SLC11A2: variants seen among roughly 807,000 people sequenced by gnomAD.
SLC11A2 encodes solute carrier family 11 member 2.
In SLC11A2, 38 loss-of-function variants were observed where a neutral mutation model predicts 68.0. The observed-to-expected ratio is 0.56, with a 90% CI of 0.43 to 0.73. The LOEUF is 0.73. SLC11A2 is among the 30% of genes least tolerant of loss of function. SLC11A2 has a pLI of 0.00. For synonymous variants in SLC11A2, 242 were observed against 250.6 expected (o/e 0.97, Z 0.32); for missense variants, 517 against 690.5 (o/e 0.75, Z 2.82).
At chr12:50,977,112 C>T (rs966213881), downstream of SLC11A2, among the ~76,000 whole-genome samples, 3 of 152,122 alleles carry the variant, frequency 2.0e-5, no homozygotes, top group Admixed American at 1.3e-4. Context: ...ATCAAGCTAC[C>T]AATGACTTTC....
At chr12:50,984,783 T>C (rs1382226662), downstream of SLC11A2, among the ~76,000 whole-genome samples, 1 of 152,188 alleles carries the variant, frequency 6.6e-6, no homozygotes, top group Non-Finnish European at 1.5e-5. Flanking sequence ...ATCTACCAGT[T>C]GGCAACTTCT....
chr12:50,955,443 C>A, the SLC11A2 span, among the ~76,000 whole-genome samples: 2 of 152,188 alleles, frequency 1.3e-5, no homozygotes, highest in Non-Finnish European at 2.9e-5. Flanking sequence ...CTTTCTCTTT[C>A]TTCTCCATGG....
chr12:51,006,721 T>C (rs982799483), intron 3 of SLC11A2, among the ~76,000 whole-genome samples: 1 of 152,174 alleles, frequency 6.6e-6, no homozygotes, highest in African/African-American at 2.4e-5. Flanking sequence ...CCCCTCATTT[T>C]AGACCAGGTC....
chr12:50,986,415 TGGAA>T lies in SLC11A2; in HGVS notation c.*1906_*1909del. On this transcript the variant is annotated 3_prime_UTR_variant, in exon 16 of 16. Coordinates refer to ENST00000262052, the MANE Select transcript of SLC11A2 (RefSeq NM_000617.3). ...ATAATATTATAAAATGCCATTTAATTGGAAGGAGTTTTCTATCATTGCAAGTCAT... is the reference window on the plus strand; with the variant it reads ...ATAATATTATAAAATGCCATTTAATTGGAGTTTTCTATCATTGCAAGTCAT... The T allele has an allele frequency of 7.8e-7, 1 of 1,282,600 alleles. No individual in the cohort carries two copies. The highest frequency in any genetic ancestry group is 1.0e-6 in the Non-Finnish European group (1 of 984,812). 79.5% of individuals were successfully genotyped at this position (1,282,600 alleles called of 1,614,324 possible). A position where few individuals can be genotyped will look rare whatever the true frequency, so the allele number is the denominator to read the frequency against.
At chr12:51,009,076 G>C in intron 2 of SLC11A2, 1 of 1,154,294 alleles carries the variant, frequency 8.7e-7, no homozygotes, top group Non-Finnish European at 1.3e-6. Flanking sequence ...GGCCTGTCTA[G>C]CGAAATGTCC....
intron 1 of SLC11A2, 154 bp downstream of exon 1, chr12:51,026,156 C>T: frequency 8.6e-7 from 1 of 1,162,478 alleles, no homozygotes; most frequent in Non-Finnish European, 1.1e-6. Context: ...CTGAGGCCCT[C>T]CCTGGCCACA....
chr12:50,968,572 T>C, the SLC11A2 span, among the ~76,000 whole-genome samples: 2 of 151,984 alleles, frequency 1.3e-5, no homozygotes, highest in Non-Finnish European at 2.9e-5. Flanking sequence ...TGTTTTGAGA[T>C]GGAGTCTCAC....
At chr12:50,964,773 T>G in the SLC11A2 span, among the ~76,000 whole-genome samples, 1 of 152,256 alleles carries the variant, frequency 6.6e-6, no homozygotes, top group Non-Finnish European at 1.5e-5. Context: ...CACATCTGGA[T>G]AGCAGAGTGA....
chr12:50,970,629 A>C, the SLC11A2 span: 2 of 629,936 alleles, frequency 3.2e-6, no homozygotes, highest in African/African-American at 3.7e-5. Flanking sequence ...TAGCCTTTGT[A>C]TTTCAAGTCT....
chr12:50,970,885 A>T, the SLC11A2 span, among the ~76,000 whole-genome samples: 7 of 151,202 alleles, frequency 4.6e-5, no homozygotes, highest in Non-Finnish European at 8.8e-5. Context: ...ATTTTATTTT[A>T]TTTTATTTTT....
the SLC11A2 span, chr12:50,960,848 AAT>A: frequency 3.8e-6 from 3 of 786,770 alleles, no homozygotes; most frequent in Non-Finnish European, 3.9e-6. Context: ...ATGTGTGGCT[AAT>A]TTTTTTTTTT....
chr12:51,009,375 G>T, intron 2 of SLC11A2: 1 of 1,082,424 alleles, frequency 9.2e-7, no homozygotes, highest in Non-Finnish European at 1.2e-6. Flanking sequence ...CTTAAATATT[G>T]GGAAGCAGAA....
At chr12:50,981,669 C>G (rs925318156), downstream of SLC11A2, 5 of 1,155,014 alleles carry the variant, frequency 4.3e-6, no homozygotes, top group African/African-American at 4.6e-5. Context: ...TAACGGGACA[C>G]CTGGCACAAA....
chr12:50,999,085 C>A, intron 8 of SLC11A2, 89 bp downstream of exon 8: 1 of 1,105,434 alleles, frequency 9.0e-7, no homozygotes. Context: ...ATCATACTAG[C>A]ATTATTACTG....
At chr12:51,006,629 C>T (rs1415321654) in intron 3 of SLC11A2, among the ~76,000 whole-genome samples, 3 of 152,172 alleles carry the variant, frequency 2.0e-5, no homozygotes, top group Non-Finnish European at 4.4e-5. Flanking sequence ...CATCTATTTT[C>T]TCTGAAGCTT....
chr12:51,008,248 AGATAGATAGATAGACG>A, intron 3 of SLC11A2: 1 of 298,512 alleles, frequency 3.3e-6, no homozygotes, highest in Admixed American at 5.1e-5. Context: ...ATAGATAGAT[AGATAGATAGATAGACG>A]GACAGACAGA....
At chr12:50,990,975 G>C in intron 14 of SLC11A2, 27 bp from the exon 15 acceptor site, 1 of 1,611,038 alleles carries the variant, frequency 6.2e-7, no homozygotes, top group Non-Finnish European at 8.5e-7. Context: ...CACAGTCACT[G>C]ATGGAATAAT....
chr12:50,982,858 T>C (rs1037434648), downstream of SLC11A2, among the ~76,000 whole-genome samples: 27 of 151,300 alleles, frequency 1.8e-4, no homozygotes, highest in African/African-American at 6.3e-4. Flanking sequence ...GGAGAAACAC[T>C]TGAATCCAGG....
At chr12:50,968,307 C>A in the SLC11A2 span, among the ~76,000 whole-genome samples, 1 of 152,126 alleles carries the variant, frequency 6.6e-6, no homozygotes, top group East Asian at 1.9e-4. Flanking sequence ...GAACTAGAAC[C>A]CAAGAAGACA....
Sources: allele counts gnomAD v4.1 joint callset (sites outside exome capture counted in the v4.1 genomes callset), GRCh38; gene constraint gnomAD v4.1.1; transcripts MANE v1.5; gene names NCBI Gene and HGNC (gene_info 2026-07-23, HGNC 2026-07-21).